MAMLD1: variants seen among roughly 807,000 people sequenced by gnomAD.
MAMLD1 encodes the protein mastermind like domain containing 1, also known as mastermind-like domain-containing protein 1.
Under a neutral mutation model 45.0 loss-of-function variants are expected in MAMLD1, and 14 were observed. The observed-to-expected ratio is 0.31, with a 90% CI of 0.21 to 0.49. MAMLD1 has a LOEUF of 0.49. MAMLD1 is among the 20% of genes least tolerant of loss of function. MAMLD1 has a pLI of 0.99. For synonymous variants in MAMLD1, 254 were observed against 247.8 expected, an observed-to-expected ratio of 1.02 and a Z score of -0.24; for missense variants, 543 against 603.6, an observed-to-expected ratio of 0.90 and a Z score of 1.05.
intron 3 of MAMLD1, among the ~76,000 whole-genome samples, chrX:150,467,507 A>G (rs781853624): frequency 3.9e-4 from 44 of 111,868 alleles, no homozygotes; most frequent in Non-Finnish European, 7.4e-4. Flanking sequence ...CACCTCTCCA[A>G]CCCATTCCTG....
chrX:150,370,709 CT>C (rs1426837145), intron 1 of MAMLD1, among the ~76,000 whole-genome samples: 4 of 111,871 alleles, frequency 3.6e-5, no homozygotes, highest in African/African-American at 1.3e-4. Context: ...GCTCTGGTTG[CT>C]TTCTTTCTCC....
At chrX:150,453,272 A>G (rs2035727985) in intron 2 of MAMLD1, among the ~76,000 whole-genome samples, 1 of 112,293 alleles carries the variant, frequency 8.9e-6, no homozygotes, top group Non-Finnish European at 1.9e-5. Context: ...AGTCACGCCC[A>G]GTCATTAACA....
intron 1 of MAMLD1, among the ~76,000 whole-genome samples, chrX:150,407,341 T>C (rs1230895364): frequency 8.9e-6 from 1 of 112,281 alleles, no homozygotes; most frequent in African/African-American, 3.2e-5. Flanking sequence ...AATTAAAATA[T>C]CTATGATTTC....
chrX:150,461,758 G>C (rs782540104), intron 2 of MAMLD1, among the ~76,000 whole-genome samples: 1 of 112,090 alleles, frequency 8.9e-6, no homozygotes, highest in South Asian at 3.8e-4. Flanking sequence ...AGTACTTACT[G>C]TGGTTGCCCT....
At chrX:150,363,259 C>A (rs1393845862), upstream of MAMLD1, 3 of 113,208 alleles carry the variant, frequency 2.6e-5, no homozygotes, top group African/African-American at 9.6e-5. Flanking sequence ...ACTTAAACCC[C>A]CGAAACTCCA....
intron 5 of MAMLD1, among the ~76,000 whole-genome samples, chrX:150,496,657 C>A (rs1421076909): frequency 8.9e-6 from 1 of 111,987 alleles, no homozygotes; most frequent in Non-Finnish European, 1.9e-5. Context: ...GCCTTGATGC[C>A]CTTCCTCTTT....
At position 150,441,953 on chromosome X, in the gene MAMLD1, A is replaced by G. The variant is rs1253974624; in HGVS notation, c.-63-3501A>G. ...AAAAACGTTTGCTTCCTATATTTGC[A>G]GGTCTTCTGTTTAAAGCATACACAT... On this transcript the variant is annotated intron_variant, in intron 1 of 7. Coordinates refer to ENST00000370401, the MANE Select transcript of MAMLD1 (RefSeq NM_005491.5). 3.6e-5 allele frequency among the ~76,000 whole-genome samples: 4 copies of G among 111,042 alleles called. No homozygotes were observed. In the East Asian group the frequency reaches 1.1e-3, roughly 31 times the overall value.
intron 5 of MAMLD1, among the ~76,000 whole-genome samples, chrX:150,476,285 A>G (rs1302905764): frequency 8.9e-6 from 1 of 112,146 alleles, no homozygotes; most frequent in African/African-American, 3.2e-5. Flanking sequence ...CTGAGGCAAA[A>G]TGAATTTTGT....
chrX:150,481,959 A>AAAAAG (rs2036786920), intron 5 of MAMLD1, among the ~76,000 whole-genome samples: 1 of 93,413 alleles, frequency 1.1e-5, no homozygotes, highest in African/African-American at 4.0e-5. Flanking sequence ...GAAAGAAAGA[A>AAAAAG]AGAAAAAAGA....
At chrX:150,454,550 A>G (rs912889770) in intron 2 of MAMLD1, among the ~76,000 whole-genome samples, 3 of 112,248 alleles carry the variant, frequency 2.7e-5, no homozygotes, top group Non-Finnish European at 3.8e-5. Context: ...TAAGAAAAAG[A>G]TAATTTTGAA....
In MAMLD1 at chrX:150,394,902, G is replaced by A. The variant is rs147482764; in HGVS notation, c.-64+31372G>A. On this transcript the variant is annotated intron_variant, in intron 1 of 7. Transcript: ENST00000370401. ...CAAACAAAGGCAGTTTTATTTCTGC[G>A]TTCCCAATGGGTGTACCTTTTGTTT... Among the ~76,000 whole-genome samples the A allele has an allele frequency of 2.3e-3, 256 of 111,127 alleles. 1 individual carries two copies. Among genetic ancestry groups the A allele is most frequent in the African/African-American group, 7.8e-3 (238 of 30,657 alleles).
intron 1 of MAMLD1, among the ~76,000 whole-genome samples, chrX:150,432,722 T>A (rs1263877089): frequency 8.9e-6 from 1 of 111,880 alleles, no homozygotes; most frequent in Non-Finnish European, 1.9e-5. Flanking sequence ...ATCAGATGGT[T>A]GTAAGTGTGC....
chrX:150,430,310 T>G (rs1203409292), intron 1 of MAMLD1, among the ~76,000 whole-genome samples: 1 of 111,138 alleles, frequency 9.0e-6, no homozygotes, highest in Non-Finnish European at 1.9e-5. Context: ...TTAGATGGTT[T>G]GTCTTCTTAC....
chrX:150,368,834 C>A (rs782109870), intron 1 of MAMLD1, among the ~76,000 whole-genome samples: 7 of 112,373 alleles, frequency 6.2e-5, no homozygotes, highest in Admixed American at 1.9e-4. Context: ...TTCCCCATTT[C>A]TTGTTTTTGT....
intron 1 of MAMLD1, among the ~76,000 whole-genome samples, chrX:150,415,284 C>T (rs2034220677): frequency 8.9e-6 from 1 of 112,909 alleles, no homozygotes; most frequent in Non-Finnish European, 1.9e-5. Flanking sequence ...AATACTCTCT[C>T]ATAAAAAGCA....
At chrX:150,435,820 T>C (rs1162276054) in intron 1 of MAMLD1, among the ~76,000 whole-genome samples, 1 of 112,544 alleles carries the variant, frequency 8.9e-6, no homozygotes. Context: ...CACTGGTCTA[T>C]GTACTTAAGA....
intron 1 of MAMLD1, among the ~76,000 whole-genome samples, chrX:150,420,331 T>C (rs1186939120): frequency 2.3e-5 from 2 of 88,461 alleles, no homozygotes; most frequent in Non-Finnish European, 2.2e-5. Flanking sequence ...ATTCTAGTTA[T>C]ACATTCTTCT....
intron 1 of MAMLD1, among the ~76,000 whole-genome samples, chrX:150,421,361 G>T (rs1251963039): frequency 1.8e-5 from 2 of 112,517 alleles, no homozygotes; most frequent in African/African-American, 3.2e-5. Context: ...GATGAACCCG[G>T]TACCTCAGAT....
chrX:150,382,875 A>ATTTTT (rs2032686727), intron 1 of MAMLD1, among the ~76,000 whole-genome samples: 1 of 43,647 alleles, frequency 2.3e-5, no homozygotes, highest in Non-Finnish European at 3.8e-5. Flanking sequence ...ATTTTGTCCC[A>ATTTTT]TTTTATTTTA....
Sources: gnomAD v4.1 joint callset for allele counts (sites outside exome capture counted in the v4.1 genomes callset) on GRCh38, gnomAD v4.1.1 for gene constraint, MANE v1.5 for transcripts, NCBI Gene and HGNC (gene_info 2026-07-23, HGNC 2026-07-21) for gene names.